The following PCDHB5 variants were observed in gnomAD, a reference collection of about 807,000 sequenced individuals.
PCDHB5 encodes protocadherin beta 5.
For missense variants in PCDHB5, 1,125 were observed against 1,029.4 expected (o/e 1.09, Z -1.27); for synonymous variants, 569 against 462.2 (o/e 1.23, Z -2.96).
rs1554275945 is a variant in PCDHB5, at chr5:141,136,600, C to T, written c.1166C>T (p.Pro389Leu). The T allele has an allele frequency of 2.5e-6, 4 of 1,614,002 alleles. No individual in the cohort carries two copies. In the Admixed American group the frequency reaches 5.0e-5, roughly 20 times the overall value. ...ATTTGCTCCATCCAGAATGATCTCC[C>T]CTTTCTTTTGAAGCCCACATTAAAA... is the stretch of plus-strand genomic sequence containing the variant. The part of the protein sequence containing the change: ...RMICSIQNDL[P>L]FLLKPTLKNF... The change falls in exon 1 of 1, where the codon CCC becomes CTC. Residue 389 changes from proline to leucine, a missense_variant. Pro to Leu is a moderately conservative substitution (Grantham distance 98). Coordinates refer to ENST00000231134, the MANE Select transcript of PCDHB5 (RefSeq NM_015669.5).
At position 141,137,568 on chromosome 5, in the gene PCDHB5, C is replaced by T; in HGVS notation, c.2134C>T (p.Leu712=). ...FSVLLFVAVR[L]CRRSRAAPVG... ...GGTGCTCCTGTTCGTGGCAGTGCGG[C>T]TGTGCAGGAGGAGCAGGGCGGCCCC... Residue 712 remains leucine (L), a synonymous_variant, in exon 1 of 1, where the codon CTG becomes TTG. Coordinates refer to ENST00000231134, the MANE Select transcript of PCDHB5 (RefSeq NM_015669.5). 1 of 1,612,630 alleles carries T rather than the reference C, an allele frequency of 6.2e-7. No homozygotes were observed. The highest frequency in any genetic ancestry group is 8.5e-7 in the Non-Finnish European group (1 of 1,179,696).
chr5:141,135,255 G>C lies in PCDHB5; in HGVS notation c.-180G>C, dbSNP rs1232448543. The C allele has an allele frequency of 5.3e-6, 3 of 569,440 alleles. No homozygotes were observed. Among genetic ancestry groups the C allele is most frequent in the African/African-American group, 1.9e-5 (1 of 53,418 alleles). The allele number at this position is 569,440 out of a possible 1,614,324, so 35.3% of individuals were successfully genotyped here. On this transcript the variant is annotated 5_prime_UTR_variant, in exon 1 of 1. Transcript: ENST00000231134. ...GGATAACTCAGACGCCATTAAGCTG[G>C]GGAATCCAAACTCTAAAAGAAGGAC...
rs1312915627 is a variant in PCDHB5, at chr5:141,137,062, A to G, written c.1628A>G (p.Glu543Gly). 1 of 1,611,686 alleles carries G rather than the reference A, an allele frequency of 6.2e-7. No individual in the cohort carries two copies. The highest frequency in any genetic ancestry group is 1.3e-5 in the African/African-American group (1 of 74,982). ...CGCGGCTCCCCGGCGCTGAGCAGCG[A>G]GGCGCTGGTGCGCGTGCTGGTGCTG... ...TDRGSPALSS[E>G]ALVRVLVLDA... Residue 543 changes from glutamate to glycine, a missense_variant, in exon 1 of 1, where the codon GAG (glutamate) becomes GGG (glycine). Glu to Gly is a moderately conservative substitution (Grantham distance 98). Coordinates refer to ENST00000231134, the MANE Select transcript of PCDHB5 (RefSeq NM_015669.5).
Position 141,136,837 on chromosome 5 carries a change from A to C in PCDHB5, c.1403A>C (p.His468Pro), listed in dbSNP as rs1588325780. 2 of 1,613,224 alleles carry C rather than the reference A, an allele frequency of 1.2e-6. No homozygotes were observed. The highest frequency in any genetic ancestry group is 1.7e-6 in the Non-Finnish European group (2 of 1,180,020). ...CGAGAGAACAACAGCCCCGCCCTGC[A>C]CATCGGCAGTGTCAGCGCCACAGAC... The part of the protein sequence containing the change: ...FVRENNSPAL[H>P]IGSVSATDRD... The change falls in exon 1 of 1, where the codon CAC (histidine) becomes CCC (proline). Residue 468 changes from histidine (H) to proline (P), a missense_variant. Coordinates refer to ENST00000231134, the MANE Select transcript of PCDHB5 (RefSeq NM_015669.5).
rs1214375992 is a variant in PCDHB5 at position 141,135,491 on chromosome 5, A to G, written c.57A>G (p.Ile19Met). The change falls in exon 1 of 1, where the codon ATA becomes ATG. Residue 19 changes from isoleucine (I) to methionine (M), a missense_variant. By Grantham distance (10) the Ile-to-Met change is conservative. Transcript: ENST00000231134. The stretch of plus-strand genomic sequence containing the variant: ...AAAGGCAAGTTATGTTTCTTGCTAT[A>G]TTGTTGCTTTTGTGGGAGGCTGGCT... ...PQKRQVMFLA[I>M]LLLLWEAGSE... 1.2e-6 allele frequency: 2 copies of G among 1,613,896 alleles called. No individual in the cohort carries two copies. The highest frequency in any genetic ancestry group is 1.7e-6 in the Non-Finnish European group (2 of 1,180,014).
Position 141,137,050 on chromosome 5 carries a change from C to T in PCDHB5, c.1616C>T (p.Ala539Val), listed in dbSNP as rs1752601387. ...GGAGCCACAGACCGCGGCTCCCCGG[C>T]GCTGAGCAGCGAGGCGCTGGTGCGC... ...RVGATDRGSP[A>V]LSSEALVRVL... is the part of the protein sequence containing the mutation. Residue 539 changes from alanine (A) to valine (V), a missense_variant, in exon 1 of 1, where the codon GCG (alanine) becomes GTG (valine). Transcript: ENST00000231134. The T allele has an allele frequency of 2.5e-6, 4 of 1,611,650 alleles. No individual in the cohort carries two copies. Among genetic ancestry groups the T allele is most frequent in the East Asian group, 2.2e-5 (1 of 44,872 alleles).
chr5:141,137,738 G>A lies in PCDHB5; in HGVS notation c.2304G>A (p.Pro768=), dbSNP rs782332449. 4 of 1,614,130 alleles carry A rather than the reference G, an allele frequency of 2.5e-6. No homozygotes were observed. Among genetic ancestry groups the A allele is most frequent in the Admixed American group, 3.3e-5 (2 of 60,010 alleles). Residue 768 remains proline (P), a synonymous_variant, in exon 1 of 1, where the codon CCG becomes CCA. Transcript: ENST00000231134. ...SGAGEFKFLK[P]IIPNLLPQGA... is the part of the protein sequence containing the mutation. ...CCGGCGAGTTCAAGTTCCTGAAGCC[G>A]ATTATTCCTAACCTTTTGCCCCAGG...
rs782703342 is a variant in PCDHB5, at chr5:141,137,151, G to A, written c.1717G>A (p.Glu573Lys). 6.8e-6 allele frequency: 11 copies of A among 1,610,624 alleles called. No individual in the cohort carries two copies. Among genetic ancestry groups the A allele is most frequent in the African/African-American group, 6.7e-5 (5 of 74,850 alleles). ...GCAGAACGGCTCGGCGCCTTGCACC[G>A]AGCTGGTGCCCCGGGCGGCCGAGCC... ...PLQNGSAPCT[E>K]LVPRAAEPGY... is the part of the protein sequence containing the mutation. Residue 573 changes from glutamate to lysine, a missense_variant, in exon 1 of 1, where the codon GAG becomes AAG. Coordinates refer to ENST00000231134, the MANE Select transcript of PCDHB5 (RefSeq NM_015669.5).
Position 141,135,634 on chromosome 5 carries a change from A to G in PCDHB5, c.200A>G (p.His67Arg). 3 of 1,614,116 alleles carry G rather than the reference A, an allele frequency of 1.9e-6. No individual in the cohort carries two copies. The highest frequency in any genetic ancestry group is 2.5e-6 in the Non-Finnish European group (3 of 1,180,034). Residue 67 changes from histidine (H) to arginine (R), a missense_variant, in exon 1 of 1, where the codon CAT becomes CGT. Physicochemically the swap from His to Arg is conservative, Grantham distance 29 (BLOSUM62 0). Coordinates refer to ENST00000231134, the MANE Select transcript of PCDHB5 (RefSeq NM_015669.5). ...CTGGCCACTCGGGGCGCGCGAATGC[A>G]TTACAAAGGAAACAAAGAGCTCTTG... Reference protein sequence around the residue: ...GELATRGARMHYKGNKELLQL... With the variant: ...GELATRGARMRYKGNKELLQL...
In PCDHB5 at chr5:141,135,443, T is replaced by A. The variant is rs782460097; in HGVS notation, c.9T>A (p.Thr3=). ...TGGACCGGGTCTGAACAATGGAGAC[T>A]GCGCTAGCAAAAACGCCACAGAAAA... ME[T]ALAKTPQKRQ... The change falls in exon 1 of 1, where the codon ACT becomes ACA. Residue 3 remains threonine, a synonymous_variant. Coordinates refer to ENST00000231134, the MANE Select transcript of PCDHB5 (RefSeq NM_015669.5). 4 of 1,605,948 alleles carry A rather than the reference T, an allele frequency of 2.5e-6. No homozygotes were observed. Among genetic ancestry groups the A allele is most frequent in the Non-Finnish European group, 3.4e-6 (4 of 1,176,148 alleles).
Position 141,136,953 on chromosome 5 carries a change from G to A in PCDHB5, c.1519G>A (p.Ala507Thr), listed in dbSNP as rs782721729. ...LRLASLVSIN[A>T]DNGHLFALRS... ...CCTCGCCTCCCTGGTCTCCATCAAC[G>A]CGGACAACGGCCACCTGTTTGCCCT... Residue 507 changes from alanine to threonine, a missense_variant, in exon 1 of 1, where the codon GCG (alanine) becomes ACG (threonine). Physicochemically the swap from Ala to Thr is moderately conservative, Grantham distance 58. Transcript: ENST00000231134. 9 of 1,612,456 alleles carry A rather than the reference G, an allele frequency of 5.6e-6. No individual in the cohort carries two copies. Among genetic ancestry groups the A allele is most frequent in the Admixed American group, 5.0e-5 (3 of 60,000 alleles).
rs1752562100 is a variant in PCDHB5, at chr5:141,136,016, G to T, written c.582G>T (p.Leu194=). The part of the protein sequence containing the change: ...NRGDGRKYPE[L]VLDKALDREE... ...GAGATGGCAGAAAATACCCAGAGCT[G>T]GTGCTGGACAAAGCGCTGGACCGGG... The change falls in exon 1 of 1, where the codon CTG becomes CTT. Residue 194 remains leucine (L), a synonymous_variant. Transcript: ENST00000231134. 6.2e-7 allele frequency: 1 copy of T among 1,614,154 alleles called. No individual in the cohort carries two copies. The highest frequency in any genetic ancestry group is 8.5e-7 in the Non-Finnish European group (1 of 1,179,970).
Position 141,137,247 on chromosome 5 carries a change from C to T in PCDHB5, c.1813C>T (p.Leu605=), listed in dbSNP as rs557433573. The change falls in exon 1 of 1, where the codon CTG becomes TTG. Residue 605 remains leucine, a synonymous_variant. Coordinates refer to ENST00000231134, the MANE Select transcript of PCDHB5 (RefSeq NM_015669.5). ...SGQNAWLSYQ[L]LKATEPGLFS... is the part of the protein sequence containing the mutation. Reference sequence around the variant, plus strand: ...CCAGAACGCCTGGCTGTCGTACCAGCTGCTCAAGGCCACGGAGCCCGGGCT... The same window carrying T: ...CCAGAACGCCTGGCTGTCGTACCAGTTGCTCAAGGCCACGGAGCCCGGGCT... 8.6e-5 allele frequency: 138 copies of T among 1,610,764 alleles called. 1 individual carries two copies. Among genetic ancestry groups the T allele is most frequent in the Non-Finnish European group, 1.1e-4 (131 of 1,179,672 alleles).
rs782805334 is a variant in PCDHB5 at position 141,137,793 on chromosome 5, G to C, written c.2359G>C (p.Ala787Pro). 9 of 1,610,680 alleles carry C rather than the reference G, an allele frequency of 5.6e-6. No individual in the cohort carries two copies. In the East Asian group the frequency reaches 2.0e-4, roughly 36 times the overall value. Residue 787 changes from alanine (A) to proline (P), a missense_variant, in exon 1 of 1, where the codon GCC (alanine) becomes CCC (proline). By Grantham distance (27) the Ala-to-Pro change is conservative (BLOSUM62 -1). Coordinates refer to ENST00000231134, the MANE Select transcript of PCDHB5 (RefSeq NM_015669.5). ...GAGEEIGKTA[A>P]FRNSFGLN ...TGGTGAAGAAATAGGGAAAACTGCT[G>C]CCTTCCGGAATAGCTTTGGATTAAA...
rs782178657 is a variant in PCDHB5, at chr5:141,136,434, A to T, written c.1000A>T (p.Ile334Leu). The T allele has an allele frequency of 1.2e-6, 2 of 1,614,180 alleles. No individual in the cohort carries two copies. Among genetic ancestry groups the T allele is most frequent in the Non-Finnish European group, 8.5e-7 (1 of 1,180,034 alleles). ...GGLSGKCTVA[I>L]EVVDVNDNAP... ...CCTTTCAGGAAAATGCACTGTGGCTATAGAAGTGGTGGATGTGAATGACAA... is the reference window on the plus strand; with the variant it reads ...CCTTTCAGGAAAATGCACTGTGGCTTTAGAAGTGGTGGATGTGAATGACAA... The change falls in exon 1 of 1, where the codon ATA becomes TTA. Residue 334 changes from isoleucine (I) to leucine (L), a missense_variant. Transcript: ENST00000231134.
Position 141,136,708 on chromosome 5 carries a change from T to A in PCDHB5, c.1274T>A (p.Met425Lys). The change falls in exon 1 of 1, where the codon ATG (methionine) becomes AAG (lysine). Residue 425 changes from methionine (M) to lysine (K), a missense_variant. Physicochemically the swap from Met to Lys is moderately conservative, Grantham distance 95. Transcript: ENST00000231134. ...EYNITITVTD[M>K]GTPRLKTEHN... The stretch of plus-strand genomic sequence containing the variant: ...AACATCACCATCACTGTCACCGACA[T>A]GGGGACACCCAGGCTGAAAACCGAG... 1 of 1,614,052 alleles carries A rather than the reference T, an allele frequency of 6.2e-7. No homozygotes were observed. The highest frequency in any genetic ancestry group is 1.7e-5 in the Admixed American group (1 of 60,008).
In PCDHB5 at chr5:141,135,987, C is replaced by G; in HGVS notation, c.553C>G (p.Arg185Gly). The change falls in exon 1 of 1, where the codon CGC (arginine) becomes GGC (glycine). Residue 185 changes from arginine (R) to glycine (G), a missense_variant. Coordinates refer to ENST00000231134, the MANE Select transcript of PCDHB5 (RefSeq NM_015669.5). ...ACACTTTCATGTTGCTACGCATAAT[C>G]GCGGAGATGGCAGAAAATACCCAGA... ...NSHFHVATHN[R>G]GDGRKYPELV... The G allele has an allele frequency of 1.2e-6, 2 of 1,614,196 alleles. No individual in the cohort carries two copies. The highest frequency in any genetic ancestry group is 1.7e-6 in the Non-Finnish European group (2 of 1,180,038).
chr5:141,137,540 T>C lies in PCDHB5; in HGVS notation c.2106T>C (p.Phe702=), dbSNP rs782644454. The change falls in exon 1 of 1, where the codon TTT becomes TTC. Residue 702 remains phenylalanine (F), a synonymous_variant. Transcript: ENST00000231134. Reference sequence around the variant, plus strand: ...CCTCGGTGTCGTCGCTCTTCCTCTTTTCGGTGCTCCTGTTCGTGGCAGTGC... The same window carrying C: ...CCTCGGTGTCGTCGCTCTTCCTCTTCTCGGTGCTCCTGTTCGTGGCAGTGC... ...ALASVSSLFL[F]SVLLFVAVRL... 1.2e-5 allele frequency: 19 copies of C among 1,612,380 alleles called. No homozygotes were observed. The highest frequency in any genetic ancestry group is 6.7e-5 in the East Asian group (3 of 44,834).
rs370937842 is a variant in PCDHB5 at position 141,137,351 on chromosome 5, G to C, written c.1917G>C (p.Leu639=). The change falls in exon 1 of 1, where the codon CTG becomes CTC. Residue 639 remains leucine (L), a synonymous_variant. Transcript: ENST00000231134. ...LSERDAAKHR[L]VVLVKDNGEP... ...AGCGCGACGCGGCCAAGCACAGGCTGGTGGTGCTGGTCAAGGACAATGGCG... is the reference window on the plus strand; with the variant it reads ...AGCGCGACGCGGCCAAGCACAGGCTCGTGGTGCTGGTCAAGGACAATGGCG... 3.7e-6 allele frequency: 6 copies of C among 1,609,740 alleles called. No individual in the cohort carries two copies. The highest frequency in any genetic ancestry group is 1.3e-5 in the African/African-American group (1 of 74,862).
Sources: gnomAD v4.1 joint callset for allele counts on GRCh38, gnomAD v4.1.1 for gene constraint, MANE v1.5 for transcripts, NCBI Gene and HGNC (gene_info 2026-07-23, HGNC 2026-07-21) for gene names.